Variants in PRPSAP2 observed in about 807,000 individuals in gnomAD.
PRPSAP2 encodes the protein phosphoribosyl pyrophosphate synthase-associated protein 2.
PRPSAP2 carries 24 observed loss-of-function variants against 40.6 expected under a neutral mutation model. That is an observed-to-expected ratio of 0.59 (90% CI 0.43 to 0.83). The LOEUF (loss-of-function observed/expected upper bound fraction) is 0.83. PRPSAP2 is among the 40% of genes least tolerant of loss of function. The probability of loss-of-function intolerance (pLI) is 0.00; values close to 1 mark genes in which losing one functional copy is unlikely to be tolerated. For missense variants in PRPSAP2, 292 were observed against 465.6 expected (o/e 0.63, Z 3.43); for synonymous variants, 149 against 164.7 (o/e 0.90, Z 0.73).
intron 10 of PRPSAP2, among the ~76,000 whole-genome samples, chr17:18,924,784 A>G (rs1045457502): frequency 1.9e-4 from 29 of 151,170 alleles, no homozygotes; most frequent in Non-Finnish European, 3.8e-4. Flanking sequence ...AAAAAAAAAA[A>G]AAAGTCATCC....
chr17:18,908,641 G>A (rs2040754338), intron 8 of PRPSAP2: 7 of 719,836 alleles, frequency 9.7e-6, no homozygotes, highest in Non-Finnish European at 1.0e-5. Flanking sequence ...GAACACCCAC[G>A]CCGACTTCGC....
At chr17:18,890,038 T>G (rs1472938870) in intron 8 of PRPSAP2, among the ~76,000 whole-genome samples, 161 bp downstream of exon 8, 1 of 152,152 alleles carries the variant, frequency 6.6e-6, no homozygotes, top group Non-Finnish European at 1.5e-5. Flanking sequence ...ACTCCATTTA[T>G]TAAGTAAACA....
chr17:18,923,556 T>C (rs944867230), intron 9 of PRPSAP2, among the ~76,000 whole-genome samples: 3 of 152,226 alleles, frequency 2.0e-5, no homozygotes, highest in Non-Finnish European at 4.4e-5. Flanking sequence ...GTATTTTCAA[T>C]ATGTAGGAAC....
chr17:18,895,081 CTTT>C (rs35066217), intron 8 of PRPSAP2, among the ~76,000 whole-genome samples: 19 of 131,112 alleles, frequency 1.4e-4, no homozygotes, highest in Non-Finnish European at 2.1e-4. Context: ...TAGATGTGTA[CTTT>C]TTTTTTTTTT....
chr17:18,866,384 G>A (rs1474393916), intron 3 of PRPSAP2, among the ~76,000 whole-genome samples: 2 of 152,206 alleles, frequency 1.3e-5, no homozygotes, highest in African/African-American at 4.8e-5. Flanking sequence ...TTAACAAGGT[G>A]AAACCCCGCG....
rs1204520834 is a variant in PRPSAP2, at chr17:18,888,756, A to AC, written c.529-1059dup. ...GGGCGGCTGGCCGGGCGGGGGGCTG[A>AC]CCCCCCCACCTCCCTCGCGGACGGG... On this transcript the variant is annotated intron_variant, in intron 7 of 11. Transcript: ENST00000268835. Among the ~76,000 whole-genome samples, 3 of 17,068 alleles carry AC rather than the reference A, an allele frequency of 1.8e-4. 1 individual carries two copies. Among genetic ancestry groups the AC allele is most frequent in the South Asian group, 1.5e-3 (1 of 684 alleles). 11.2% of individuals were successfully genotyped at this position (17,068 alleles called of 152,430 possible).
At chr17:18,866,061 T>C (rs2037402705) in intron 3 of PRPSAP2, 109 bp downstream of exon 3, 1 of 740,858 alleles carries the variant, frequency 1.3e-6, no homozygotes, top group Admixed American at 4.9e-5. Flanking sequence ...TTTATAATTA[T>C]AAAATAATTA....
At chr17:18,877,919 T>C (rs375525373) in intron 6 of PRPSAP2, 49 bp downstream of exon 6, 12 of 1,514,558 alleles carry the variant, frequency 7.9e-6, no homozygotes, top group Non-Finnish European at 9.0e-6. Flanking sequence ...GGGAGTTTTA[T>C]TTATTTATTC....
chr17:18,893,258 C>T (rs1377347822), intron 8 of PRPSAP2, among the ~76,000 whole-genome samples: 3 of 150,894 alleles, frequency 2.0e-5, no homozygotes, highest in Non-Finnish European at 2.9e-5. Flanking sequence ...AAGCGAGTCT[C>T]CTGCCTCAGC....
intron 9 of PRPSAP2, among the ~76,000 whole-genome samples, chr17:18,922,918 A>G (rs2041770097): frequency 6.6e-6 from 1 of 151,400 alleles, no homozygotes; most frequent in African/African-American, 2.4e-5. Context: ...CAGGCAGGCA[A>G]TCTGTCCACC....
rs538009448 is a variant in PRPSAP2, at chr17:18,930,405, T to C, written c.952-135T>C. ...AATAAATAAATAAATAATTGAAACA[T>C]TGACTTGAGACATAGATCCACTGTG... On this transcript the variant is annotated intron_variant, in intron 11 of 11. Transcript: ENST00000268835. 412 of 736,060 alleles carry C rather than the reference T, an allele frequency of 5.6e-4. 1 individual carries two copies. Among genetic ancestry groups the C allele is most frequent in the Non-Finnish European group, 8.5e-4 (395 of 466,086 alleles). 45.6% of individuals were successfully genotyped at this position (736,060 alleles called of 1,614,324 possible). A position where few individuals can be genotyped will look rare whatever the true frequency, so the allele number is the denominator to read the frequency against.
At chr17:18,906,738 A>C (rs945747328) in intron 8 of PRPSAP2, among the ~76,000 whole-genome samples, 1 of 150,316 alleles carries the variant, frequency 6.7e-6, no homozygotes, top group African/African-American at 2.5e-5. Flanking sequence ...GTAGAGATGG[A>C]GTTTCACCAT....
At chr17:18,910,188 G>A (rs1013253794) in intron 8 of PRPSAP2, among the ~76,000 whole-genome samples, 3 of 152,200 alleles carry the variant, frequency 2.0e-5, no homozygotes, top group Non-Finnish European at 4.4e-5. Context: ...GGGAGGTCGA[G>A]GTGGGTGGAT....
At chr17:18,882,525 A>G in intron 6 of PRPSAP2, 43 bp from the exon 7 acceptor site, 1 of 1,367,228 alleles carries the variant, frequency 7.3e-7, no homozygotes, top group Non-Finnish European at 1.0e-6. Flanking sequence ...AAAAAAAACA[A>G]AAACAAAACT....
At chr17:18,871,083 G>A (rs921587204) in intron 4 of PRPSAP2, among the ~76,000 whole-genome samples, 10 of 151,726 alleles carry the variant, frequency 6.6e-5, no homozygotes, top group Non-Finnish European at 1.0e-4. Flanking sequence ...GCAGTGGTGC[G>A]ATCTTGGCTT....
intron 9 of PRPSAP2, among the ~76,000 whole-genome samples, chr17:18,914,203 G>A (rs945770855): frequency 5.1e-5 from 7 of 137,870 alleles, no homozygotes; most frequent in African/African-American, 1.9e-4. Flanking sequence ...AAAAAGAAAA[G>A]TTTGCTTGGC....
rs1358927667 is a variant in PRPSAP2 at position 18,911,644 on chromosome 17, T to C, written c.733+393T>C. Among the ~76,000 whole-genome samples the C allele has an allele frequency of 6.6e-6, 1 of 152,228 alleles. No homozygotes were observed. The highest frequency in any genetic ancestry group is 1.5e-5 in the Non-Finnish European group (1 of 68,030). ...AAGGTTTAAATGGTTTACCAGAGTGTAGGGCTTGGTAAATTATACTGTGTC... is the reference window on the plus strand; with the variant it reads ...AAGGTTTAAATGGTTTACCAGAGTGCAGGGCTTGGTAAATTATACTGTGTC... On this transcript the variant is annotated intron_variant, in intron 9 of 11. Coordinates refer to ENST00000268835, the MANE Select transcript of PRPSAP2 (RefSeq NM_002767.4). This position sits in a 1 kb window ranked among gnomAD's most constrained non-coding sequence, Gnocchi z 4.5.
intron 4 of PRPSAP2, among the ~76,000 whole-genome samples, chr17:18,871,807 T>C (rs931374392): frequency 4.6e-5 from 7 of 152,084 alleles, no homozygotes; most frequent in African/African-American, 1.7e-4. Flanking sequence ...ATTATAGGCA[T>C]GCACCACCAC....
chr17:18,863,274 A>G (rs180695377), intron 1 of PRPSAP2, among the ~76,000 whole-genome samples: 1 of 151,602 alleles, frequency 6.6e-6, no homozygotes, highest in Admixed American at 6.6e-5. Context: ...ATTTTTTTGT[A>G]GAGACTAGGT....
Sources: allele counts gnomAD v4.1 joint callset (sites outside exome capture counted in the v4.1 genomes callset), GRCh38; gene constraint gnomAD v4.1.1; non-coding constraint Gnocchi (gnomAD v3.1); transcripts MANE v1.5; gene names NCBI Gene and HGNC (gene_info 2026-07-23, HGNC 2026-07-21).